PRDM16: variants seen among roughly 807,000 people sequenced by gnomAD.
PRDM16 encodes PR/SET domain 16, also known as histone-lysine N-methyltransferase PRDM16.
In PRDM16, 23 loss-of-function variants were observed where a neutral mutation model predicts 110.6. The observed-to-expected ratio is 0.21, with a 90% CI of 0.15 to 0.29. The LOEUF (loss-of-function observed/expected upper bound fraction) is 0.29. PRDM16 is among the 10% of genes least tolerant of loss of function. The probability of loss-of-function intolerance (pLI) is 1.00; values close to 1 mark genes in which losing one functional copy is unlikely to be tolerated. For synonymous variants in PRDM16, 799 were observed against 781.8 expected (o/e 1.02, Z -0.37); for missense variants, 1,615 against 1,794.3 (o/e 0.90, Z 1.81).
At position 3,289,628 on chromosome 1, in the gene PRDM16, G is replaced by A. The variant is rs138172381; in HGVS notation, c.438+45491G>A. On this transcript the variant is annotated intron_variant, in intron 3 of 16. Coordinates refer to ENST00000270722, the MANE Select transcript of PRDM16 (RefSeq NM_022114.4). ...CCTGCGGGCAGGTCAGGAGCTGGGC[G>A]GGTCCACGGTGAGCCCCAGAGCTGC... Among the ~76,000 whole-genome samples, 186 of 152,296 alleles carry A rather than the reference G, an allele frequency of 1.2e-3. 1 individual carries two copies. Among genetic ancestry groups the A allele is most frequent in the Non-Finnish European group, 2.1e-3 (140 of 68,006 alleles).
chr1:3,299,164 G>A (rs1641154056), intron 3 of PRDM16, among the ~76,000 whole-genome samples: 1 of 151,906 alleles, frequency 6.6e-6, no homozygotes, highest in Non-Finnish European at 1.5e-5. Context: ...GGTTGAAGAT[G>A]CTGTGCTGTG....
chr1:3,354,183 G>A (rs1642548351), intron 3 of PRDM16, among the ~76,000 whole-genome samples: 1 of 152,218 alleles, frequency 6.6e-6, no homozygotes. Flanking sequence ...TGCTAGGCCG[G>A]GTGTGGCGGC....
At chr1:3,393,072 A>C (rs1643323563) in intron 4 of PRDM16, among the ~76,000 whole-genome samples, 2 of 152,216 alleles carry the variant, frequency 1.3e-5, no homozygotes, top group Non-Finnish European at 2.9e-5. Flanking sequence ...ATTTTTTTAA[A>C]GCCATTTACA....
chr1:3,429,892 A>G (rs1638720464), intron 14 of PRDM16, among the ~76,000 whole-genome samples: 1 of 152,220 alleles, frequency 6.6e-6, no homozygotes, highest in Non-Finnish European at 1.5e-5. Flanking sequence ...AGACGCTGTC[A>G]CTTTCTTGCT....
chr1:3,262,750 CATG>C (rs1466054106), intron 3 of PRDM16, among the ~76,000 whole-genome samples: 2 of 152,184 alleles, frequency 1.3e-5, no homozygotes, highest in African/African-American at 4.8e-5. Context: ...ACACAGAAAA[CATG>C]AGGGTGTGCG....
intron 1 of PRDM16, among the ~76,000 whole-genome samples, chr1:3,184,482 G>A (rs1051773366): frequency 3.9e-5 from 6 of 152,170 alleles, no homozygotes; most frequent in East Asian, 1.9e-4. Flanking sequence ...AGGGGCTTGC[G>A]TGGAAAGATC....
At chr1:3,298,796 C>CGTAGACCAAGGGGCT (rs1641144733) in intron 3 of PRDM16, among the ~76,000 whole-genome samples, 1 of 152,120 alleles carries the variant, frequency 6.6e-6, no homozygotes, top group Non-Finnish European at 1.5e-5. Flanking sequence ...ACCAAGGGGC[C>CGTAGACCAAGGGGCT]GTAGACCAAG....
rs369913717 is a variant in PRDM16, at chr1:3,121,245, C to T, written c.37+51949C>T. On this transcript the variant is annotated intron_variant, in intron 1 of 16. Transcript: ENST00000270722. ...ACGGAGCCTGCCCCAGGAGCCCACC[C>T]TCCCAGCAGGACCCGGGGCTGCGGT... 2.0e-5 allele frequency among the ~76,000 whole-genome samples: 3 copies of T among 152,210 alleles called. No individual in the cohort carries two copies. In the South Asian group the frequency reaches 6.2e-4, roughly 32 times the overall value.
At chr1:3,181,296 A>G (rs1447511566) in intron 1 of PRDM16, among the ~76,000 whole-genome samples, 6 of 75,572 alleles carry the variant, frequency 7.9e-5, no homozygotes, top group South Asian at 4.7e-4. Context: ...TTACACACGC[A>G]GTCTTACACA....
intron 1 of PRDM16, among the ~76,000 whole-genome samples, chr1:3,074,009 TG>T (rs1641831930): frequency 6.6e-6 from 1 of 152,048 alleles, no homozygotes; most frequent in Non-Finnish European, 1.5e-5. Flanking sequence ...GCGCGCCGCC[TG>T]GGTTTAAGTA....
At chr1:3,289,748 G>A (rs771144106) in intron 3 of PRDM16, among the ~76,000 whole-genome samples, 1 of 152,208 alleles carries the variant, frequency 6.6e-6, no homozygotes, top group Non-Finnish European at 1.5e-5. Context: ...ACATGGGACA[G>A]CCACGGCCTT....
At position 3,368,548 on chromosome 1, in the gene PRDM16, C is replaced by T. The variant is rs979309984; in HGVS notation, c.439-16604C>T. ...TCTCCCCCAAGCCCAGCCGCTCCCACCCTGAGGGGAAAGGGGCCATCTTTG... is the reference window on the plus strand; with the variant it reads ...TCTCCCCCAAGCCCAGCCGCTCCCATCCTGAGGGGAAAGGGGCCATCTTTG... On this transcript the variant is annotated intron_variant, in intron 3 of 16. Transcript: ENST00000270722. 2.0e-5 allele frequency among the ~76,000 whole-genome samples: 3 copies of T among 152,350 alleles called. No homozygotes were observed. The East Asian group carries it at 5.8e-4, about 29-fold the overall frequency.
At chr1:3,237,685 C>T (rs1011781817) in intron 2 of PRDM16, among the ~76,000 whole-genome samples, 9 of 152,344 alleles carry the variant, frequency 5.9e-5, no homozygotes, top group Admixed American at 1.3e-4. Flanking sequence ...GAGATGCGCG[C>T]GGGGCCAGCC....
chr1:3,217,077 G>C (rs1639045804), intron 2 of PRDM16, among the ~76,000 whole-genome samples: 1 of 152,248 alleles, frequency 6.6e-6, no homozygotes, highest in African/African-American at 2.4e-5. Flanking sequence ...CTTTCTGTGT[G>C]GTGTTTTCCT....
chr1:3,098,620 G>A (rs553098786), intron 1 of PRDM16, among the ~76,000 whole-genome samples: 1 of 152,300 alleles, frequency 6.6e-6, no homozygotes, highest in South Asian at 2.1e-4. Flanking sequence ...CAGGGAGCGT[G>A]GCCACTGCAC....
Position 3,093,178 on chromosome 1 carries a change from G to C in PRDM16, c.37+23882G>C, listed in dbSNP as rs929645285. On this transcript the variant is annotated intron_variant, in intron 1 of 16. Coordinates refer to ENST00000270722, the MANE Select transcript of PRDM16 (RefSeq NM_022114.4). ...ACTGTTTTCCTCACCCAAATCTCTT[G>C]AAGGGCCCAGGCTGGCTGATGTCAG... 1.0e-3 allele frequency among the ~76,000 whole-genome samples: 158 copies of C among 152,174 alleles called. 1 individual carries two copies. Among genetic ancestry groups the C allele is most frequent in the Non-Finnish European group, 7.3e-4 (50 of 68,030 alleles).
rs1022820486 is a variant in PRDM16, at chr1:3,246,432, C to T, written c.438+2295C>T. ...CGATGCACGAGACCCCCCACGGCAC[C>T]GCCGCGACTGCAGGGAGCTCAGCGC... On this transcript the variant is annotated intron_variant, in intron 3 of 16. Coordinates refer to ENST00000270722, the MANE Select transcript of PRDM16 (RefSeq NM_022114.4). This position sits in a 1 kb window ranked among gnomAD's most constrained non-coding sequence, Gnocchi z 5.2. Among the ~76,000 whole-genome samples the T allele has an allele frequency of 8.5e-5, 13 of 152,338 alleles. No homozygotes were observed. Among genetic ancestry groups the T allele is most frequent in the Admixed American group, 5.9e-4 (9 of 15,312 alleles).
intron 1 of PRDM16, among the ~76,000 whole-genome samples, chr1:3,107,584 C>T (rs1243624237): frequency 6.6e-6 from 1 of 152,250 alleles, no homozygotes; most frequent in Non-Finnish European, 1.5e-5. Flanking sequence ...TTCTCTGTCT[C>T]AGCCCATTTC....
Position 3,350,435 on chromosome 1 carries a change from G to A in PRDM16, c.439-34717G>A, listed in dbSNP as rs764913856. Reference sequence around the variant, plus strand: ...TTTCCCTCCTGGGCTCTACTGCTCCGTCTGTGCAGCCTGGGGCTGCAGTCA... The same window carrying A: ...TTTCCCTCCTGGGCTCTACTGCTCCATCTGTGCAGCCTGGGGCTGCAGTCA... On this transcript the variant is annotated intron_variant, in intron 3 of 16. Transcript: ENST00000270722. The surrounding 1 kb of genome is among the most constrained non-coding windows in gnomAD (Gnocchi z 7.1). Among the ~76,000 whole-genome samples the A allele has an allele frequency of 1.7e-4, 26 of 152,306 alleles. No homozygotes were observed. The highest frequency in any genetic ancestry group is 2.9e-4 in the Non-Finnish European group (20 of 68,008).
Sources: gnomAD v4.1 joint callset for allele counts (sites outside exome capture counted in the v4.1 genomes callset) on GRCh38, gnomAD v4.1.1 for gene constraint, Gnocchi (gnomAD v3.1) non-coding constraint, MANE v1.5 for transcripts, NCBI Gene and HGNC (gene_info 2026-07-23, HGNC 2026-07-21) for gene names.